CELF2: variants seen among roughly 807,000 people sequenced by gnomAD.
CELF2 encodes the protein CUG triplet repeat RNA-binding protein 2.
In CELF2, 8 loss-of-function variants were observed where a neutral mutation model predicts 62.6. The observed-to-expected ratio is 0.13, with a 90% CI of 0.07 to 0.23. CELF2 has a LOEUF of 0.23. Among genes scored for constraint, CELF2 ranks in the 10% least tolerant of loss-of-function variants. The probability of loss-of-function intolerance (pLI) is 1.00; values close to 1 mark genes in which losing one functional copy is unlikely to be tolerated. For synonymous variants in CELF2, 258 were observed against 250.0 expected (o/e 1.03, Z -0.30); for missense variants, 333 against 671.0 (o/e 0.50, Z 5.56).
the CELF2 span, among the ~76,000 whole-genome samples, chr10:10,710,827 A>C: frequency 6.6e-6 from 1 of 152,344 alleles, no homozygotes; most frequent in Admixed American, 6.5e-5. Flanking sequence ...CTTTTTTAAA[A>C]GTGAAACAAA....
chr10:10,940,699 A>C (rs557237688), intron 2 of CELF2, among the ~76,000 whole-genome samples: 64 of 152,342 alleles, frequency 4.2e-4, no homozygotes, highest in Non-Finnish European at 8.1e-4. Context: ...TTATGTACAT[A>C]GTAGTTGTAA....
intron 1 of CELF2, among the ~76,000 whole-genome samples, chr10:10,825,176 C>T (rs2057282425): frequency 6.6e-6 from 1 of 151,826 alleles, no homozygotes; most frequent in South Asian, 2.1e-4. Flanking sequence ...GGAAGGATAC[C>T]GATTTTTTTT....
chr10:11,291,161 C>T (rs1303838661), intron 9 of CELF2, among the ~76,000 whole-genome samples: 4 of 152,094 alleles, frequency 2.6e-5, no homozygotes, highest in African/African-American at 9.7e-5. Context: ...AGCCTCATCC[C>T]ATCTCTCCTC....
chr10:11,182,182 G>A (rs541067002), intron 2 of CELF2, among the ~76,000 whole-genome samples: 1 of 152,334 alleles, frequency 6.6e-6, no homozygotes, highest in Admixed American at 6.5e-5. Flanking sequence ...TGTTTCGTTT[G>A]GCTCCAGTGT....
intron 2 of CELF2, among the ~76,000 whole-genome samples, chr10:11,182,133 G>A (rs977775867): frequency 2.6e-5 from 4 of 152,220 alleles, no homozygotes; most frequent in African/African-American, 9.7e-5. Flanking sequence ...TGAGCCCTCT[G>A]AGCAGCGTGC....
the CELF2 span, among the ~76,000 whole-genome samples, chr10:10,465,575 A>G: frequency 6.6e-6 from 1 of 152,122 alleles, no homozygotes; most frequent in Non-Finnish European, 1.5e-5. Context: ...TTTTTACTGT[A>G]AAATAAAAAT....
chr10:10,814,309 CAGA>C (rs2056239311), intron 1 of CELF2, among the ~76,000 whole-genome samples: 2 of 149,934 alleles, frequency 1.3e-5, no homozygotes, highest in South Asian at 4.3e-4. Context: ...CCAAAAGAGC[CAGA>C]AGATGACTTC....
At chr10:10,556,397 G>A in the CELF2 span, among the ~76,000 whole-genome samples, 5 of 152,238 alleles carry the variant, frequency 3.3e-5, no homozygotes, top group African/African-American at 9.6e-5. Context: ...ATTCCATGGT[G>A]TATATGTGCC....
chr10:11,213,529 T>C (rs1201257839), intron 2 of CELF2, among the ~76,000 whole-genome samples: 1 of 152,198 alleles, frequency 6.6e-6, no homozygotes, highest in African/African-American at 2.4e-5. Context: ...CCATAATAAT[T>C]GTCATTTCAG....
At chr10:10,701,976 C>T in the CELF2 span, among the ~76,000 whole-genome samples, 2 of 152,198 alleles carry the variant, frequency 1.3e-5, no homozygotes, top group African/African-American at 2.4e-5. Flanking sequence ...CCAAATTAGA[C>T]TTGGTAATTG....
At chr10:10,520,419 G>C in the CELF2 span, among the ~76,000 whole-genome samples, 1 of 152,140 alleles carries the variant, frequency 6.6e-6, no homozygotes, top group Non-Finnish European at 1.5e-5. Context: ...ATGTTTTACA[G>C]TTTGAGCTAA....
the CELF2 span, among the ~76,000 whole-genome samples, chr10:10,526,634 T>G: frequency 6.6e-6 from 1 of 152,204 alleles, no homozygotes; most frequent in African/African-American, 2.4e-5. Flanking sequence ...GTCCACCTCA[T>G]GCCCATTCTG....
At chr10:10,596,253 C>T in the CELF2 span, among the ~76,000 whole-genome samples, 1 of 96,110 alleles carries the variant, frequency 1.0e-5, no homozygotes, top group African/African-American at 2.8e-5. Flanking sequence ...TAACTTCTAC[C>T]TGTAAAAAAA....
intron 9 of CELF2, among the ~76,000 whole-genome samples, chr10:11,308,380 CAT>C (rs979517818): frequency 6.6e-6 from 1 of 152,162 alleles, no homozygotes; most frequent in Admixed American, 6.5e-5. Flanking sequence ...ACACACTTTA[CAT>C]GTGTGTGAGT....
At chr10:10,788,033 C>T in the CELF2 span, among the ~76,000 whole-genome samples, 1 of 152,156 alleles carries the variant, frequency 6.6e-6, no homozygotes, top group Non-Finnish European at 1.5e-5. Flanking sequence ...TTAACATCAC[C>T]TAGAAATACT....
At chr10:10,518,524 T>G in the CELF2 span, among the ~76,000 whole-genome samples, 1 of 152,170 alleles carries the variant, frequency 6.6e-6, no homozygotes, top group Non-Finnish European at 1.5e-5. Flanking sequence ...GATTCTATAA[T>G]CTCAAACATG....
chr10:10,910,470 A>G (rs2063710040), intron 1 of CELF2, among the ~76,000 whole-genome samples: 1 of 152,080 alleles, frequency 6.6e-6, no homozygotes, highest in African/African-American at 2.4e-5. Flanking sequence ...CGAGGTGGGC[A>G]GATCATTTGA....
the CELF2 span, among the ~76,000 whole-genome samples, chr10:10,603,197 C>G: frequency 4.6e-5 from 7 of 151,854 alleles, no homozygotes; most frequent in Non-Finnish European, 8.8e-5. Context: ...TAATAGTGTA[C>G]TGCTCTGTCG....
chr10:10,583,360 G>C, the CELF2 span, among the ~76,000 whole-genome samples: 4 of 152,026 alleles, frequency 2.6e-5, no homozygotes, highest in Non-Finnish European at 5.9e-5. Context: ...ATATTTTTCT[G>C]TTCTCACCTA....
Sources: gnomAD v4.1 joint callset for allele counts (sites outside exome capture counted in the v4.1 genomes callset) on GRCh38, gnomAD v4.1.1 for gene constraint, MANE v1.5 for transcripts, NCBI Gene and HGNC (gene_info 2026-07-23, HGNC 2026-07-21) for gene names.